The following L1TD1 variants were observed in gnomAD, a reference collection of about 807,000 sequenced individuals.
L1TD1 encodes the protein LINE1 type transposase domain containing 1, also known as LINE-1 type transposase domain-containing protein 1.
A neutral mutation model predicts 25.7 loss-of-function variants in L1TD1; 26 were observed. That is an observed-to-expected ratio of 1.01 (90% confidence interval 0.74 to 1.40). The LOEUF (loss-of-function observed/expected upper bound fraction) is 1.40. Among genes scored for constraint, L1TD1 ranks in the 40% most tolerant of loss-of-function variants. The probability of loss-of-function intolerance (pLI) is 0.00; values close to 1 mark genes in which losing one functional copy is unlikely to be tolerated. For missense variants in L1TD1, 1,130 were observed against 975.0 expected (o/e 1.16, Z -2.12); for synonymous variants, 421 against 335.6 (o/e 1.25, Z -2.78).
At position 62,209,904 on chromosome 1, in the gene L1TD1, A is replaced by G; in HGVS notation, c.1130A>G (p.Gln377Arg). 1 of 1,614,110 alleles carries G rather than the reference A, an allele frequency of 6.2e-7. No homozygotes were observed. The highest frequency in any genetic ancestry group is 2.2e-5 in the East Asian group (1 of 44,868). Reference protein sequence around the residue: ...KPEEMKNLETQEEEFSELEEL... With the variant: ...KPEEMKNLETREEEFSELEEL... ...GAGGAGATGAAAAACTTAGAGACTC[A>G]AGAGGAAGAGTTTTCCGAGCTAGAG... Residue 377 changes from glutamine (Q) to arginine (R), a missense_variant, in exon 4 of 4, where the codon CAA becomes CGA. Coordinates refer to ENST00000498273, the MANE Select transcript of L1TD1 (RefSeq NM_019079.5).
intron 2 of L1TD1, among the ~76,000 whole-genome samples, chr1:62,200,968 TGTTGCCCAGGCTG>T (rs1381721297): frequency 2.0e-5 from 3 of 152,150 alleles, no homozygotes; most frequent in Admixed American, 2.0e-4. Context: ...TTGCTCGCTC[TGTTGCCCAGGCTG>T]TAGTGCAGTG....
intron 2 of L1TD1, among the ~76,000 whole-genome samples, chr1:62,202,340 A>G (rs1670654948): frequency 6.6e-6 from 1 of 151,364 alleles, no homozygotes; most frequent in Admixed American, 6.6e-5. Flanking sequence ...TGTAATTAAT[A>G]TTGATTCCTT....
In L1TD1 at chr1:62,210,420, C is replaced by T; in HGVS notation, c.1646C>T (p.Pro549Leu). Residue 549 changes from proline (P) to leucine (L), a missense_variant, in exon 4 of 4, where the codon CCC becomes CTC. Coordinates refer to ENST00000498273, the MANE Select transcript of L1TD1 (RefSeq NM_019079.5). ...CCCACAAGTCAAGGAACTGGCACACCCTGTCTGACCTTATGTTTGGCCTCT... is the reference window on the plus strand; with the variant it reads ...CCCACAAGTCAAGGAACTGGCACACTCTGTCTGACCTTATGTTTGGCCTCT... Reference protein sequence around the residue: ...AVPTSQGTGTPCLTLCLASPS... With the variant: ...AVPTSQGTGTLCLTLCLASPS... 6.2e-7 allele frequency: 1 copy of T among 1,614,032 alleles called. No individual in the cohort carries two copies. The highest frequency in any genetic ancestry group is 8.5e-7 in the Non-Finnish European group (1 of 1,180,016).
At position 62,206,859 on chromosome 1, in the gene L1TD1, A is replaced by G. The variant is rs756453080; in HGVS notation, c.231A>G (p.Leu77=). ...EEMRETLKND[L]KAVLGGKATI... ...TGAGGGAAACTCTTAAAAATGACCT[A>G]AAAGCAGTTTTAGGGGGAAAAGCTA... The change falls in exon 3 of 4, where the codon CTA becomes CTG. Residue 77 remains leucine, a synonymous_variant. Transcript: ENST00000498273. 1.2e-6 allele frequency: 2 copies of G among 1,613,196 alleles called. No homozygotes were observed. The highest frequency in any genetic ancestry group is 1.7e-6 in the Non-Finnish European group (2 of 1,179,672).
In L1TD1 at chr1:62,210,728, C is replaced by G. The variant is rs1468083551; in HGVS notation, c.1954C>G (p.Leu652Val). The change falls in exon 4 of 4, where the codon CTG (leucine) becomes GTG (valine). Residue 652 changes from leucine to valine, a missense_variant. Leu to Val is a conservative substitution (Grantham distance 32). Transcript: ENST00000498273. ...VLEIENSVDD[L>V]SSRMDILEER... Reference sequence around the variant, plus strand: ...GGAAATTGAAAATTCAGTAGATGATCTGAGTAGCAGAATGGACATACTTGA... The same window carrying G: ...GGAAATTGAAAATTCAGTAGATGATGTGAGTAGCAGAATGGACATACTTGA... The G allele has an allele frequency of 1.7e-5, 27 of 1,551,532 alleles. No homozygotes were observed. The highest frequency in any genetic ancestry group is 2.3e-5 in the Non-Finnish European group (26 of 1,147,002).
At chr1:62,202,764 A>G (rs557985851) in intron 2 of L1TD1, among the ~76,000 whole-genome samples, 2 of 145,458 alleles carry the variant, frequency 1.4e-5, no homozygotes, top group African/African-American at 2.6e-5. Context: ...GCTCACTGCA[A>G]CCTCCGCCTC....
rs1222214184 is a variant in L1TD1 at position 62,210,773 on chromosome 1, G to C, written c.1999G>C (p.Glu667Gln). 1.3e-6 allele frequency: 2 copies of C among 1,550,496 alleles called. No individual in the cohort carries two copies. Among genetic ancestry groups the C allele is most frequent in the African/African-American group, 1.4e-5 (1 of 72,892 alleles). ...ACTTGAAGAAAGAATAGACAGTCTAGAAGATCAAATTGAAGAATTCTCTAA... is the reference window on the plus strand; with the variant it reads ...ACTTGAAGAAAGAATAGACAGTCTACAAGATCAAATTGAAGAATTCTCTAA... ...DILEERIDSL[E>Q]DQIEEFSKDT... The change falls in exon 4 of 4, where the codon GAA becomes CAA. Residue 667 changes from glutamate to glutamine, a missense_variant. By Grantham distance (29) the Glu-to-Gln change is conservative (BLOSUM62 2). Transcript: ENST00000498273.
intron 3 of L1TD1, 50 bp downstream of exon 3, chr1:62,207,686 G>C (rs914327541): frequency 2.8e-5 from 40 of 1,441,242 alleles, no homozygotes; most frequent in Non-Finnish European, 3.7e-5. Flanking sequence ...AAATGTAATA[G>C]TAGGCATGGT....
chr1:62,210,829 T>C lies in L1TD1; in HGVS notation c.2055T>C (p.Ile685=). 1 of 1,549,168 alleles carries C rather than the reference T, an allele frequency of 6.5e-7. No homozygotes were observed. Among genetic ancestry groups the C allele is most frequent in the Non-Finnish European group, 8.7e-7 (1 of 1,146,498 alleles). Residue 685 remains isoleucine (I), a synonymous_variant, in exon 4 of 4, where the codon ATT becomes ATC. Coordinates refer to ENST00000498273, the MANE Select transcript of L1TD1 (RefSeq NM_019079.5). ...CAATGCAAATGACCAAACAGATAAT[T>C]AGTAAAGAAAGGCAAAGAGATATAG... ...KDTMQMTKQI[I]SKERQRDIEE...
At position 62,210,696 on chromosome 1, in the gene L1TD1, G is replaced by T. The variant is rs1279817269; in HGVS notation, c.1922G>T (p.Gly641Val). Reference sequence around the variant, plus strand: ...GGAAATTTGAAAAGTTCCCATTCAGGTGTCTTGGAAATTGAAAATTCAGTA... The same window carrying T: ...GGAAATTTGAAAAGTTCCCATTCAGTTGTCTTGGAAATTGAAAATTCAGTA... ...EIGNLKSSHS[G>V]VLEIENSVDD... Residue 641 changes from glycine (G) to valine (V), a missense_variant, in exon 4 of 4, where the codon GGT becomes GTT. Transcript: ENST00000498273. 3.2e-6 allele frequency: 5 copies of T among 1,552,346 alleles called. No individual in the cohort carries two copies. Among genetic ancestry groups the T allele is most frequent in the Admixed American group, 2.0e-5 (1 of 51,034 alleles).
At chr1:62,204,216 GTT>G (rs1266335626) in intron 2 of L1TD1, among the ~76,000 whole-genome samples, 1 of 152,036 alleles carries the variant, frequency 6.6e-6, no homozygotes, top group Non-Finnish European at 1.5e-5. Flanking sequence ...ATAAGTTTCT[GTT>G]TTTCATTTCT....
In L1TD1 at chr1:62,201,625, T is replaced by G. The variant is rs563508218; in HGVS notation, c.-110-4894T>G. The stretch of plus-strand genomic sequence containing the variant: ...TTCTTTCTTAGTTGTTTGCTGTGTT[T>G]TAAAGTAAATCCCAGACATCATGCC... On this transcript the variant is annotated intron_variant, in intron 2 of 3. Transcript: ENST00000498273. Among the ~76,000 whole-genome samples, 516 of 152,302 alleles carry G rather than the reference T, an allele frequency of 3.4e-3. 6 individuals carry two copies. Among genetic ancestry groups the G allele is most frequent in the African/African-American group, 0.012 (502 of 41,564 alleles).
intron 2 of L1TD1, among the ~76,000 whole-genome samples, chr1:62,203,154 G>C (rs1670674288): frequency 6.6e-6 from 1 of 152,066 alleles, no homozygotes. Context: ...TTACATAGTA[G>C]ATGTATATAT....
At chr1:62,205,433 A>ATTTTTTTTTTTTTTT (rs1161372604) in intron 2 of L1TD1, among the ~76,000 whole-genome samples, 3 of 40,070 alleles carry the variant, frequency 7.5e-5, no homozygotes, top group Non-Finnish European at 6.0e-5. Context: ...ATATATATAT[A>ATTTTTTTTTTTTTTT]TATATATATA....
rs1020863294 is a variant in L1TD1 at position 62,204,147 on chromosome 1, T to C, written c.-110-2372T>C. ...TTTTTGAACCATGCTTTATCTGTAG[T>C]TGTGTCCCCTTGTTATTCATAGTAT... On this transcript the variant is annotated intron_variant, in intron 2 of 3. Transcript: ENST00000498273. Among the ~76,000 whole-genome samples the C allele has an allele frequency of 4.6e-5, 7 of 152,368 alleles. No homozygotes were observed. The South Asian group carries it at 1.4e-3, about 32-fold the overall frequency.
rs375348651 is a variant in L1TD1 at position 62,210,130 on chromosome 1, A to G, written c.1356A>G (p.Val452=). 1 of 1,613,982 alleles carries G rather than the reference A, an allele frequency of 6.2e-7. No individual in the cohort carries two copies. The highest frequency in any genetic ancestry group is 8.5e-7 in the Non-Finnish European group (1 of 1,180,028). The change falls in exon 4 of 4, where the codon GTA becomes GTG. Residue 452 remains valine, a synonymous_variant. Transcript: ENST00000498273. ...QDSTFQGHTL[V]DAKHEVEITS... is the part of the protein sequence containing the mutation. ...CAACCTTTCAGGGTCATACTTTGGT[A>G]GATGCAAAGCATGAAGTTGAGATAA...
intron 2 of L1TD1, among the ~76,000 whole-genome samples, chr1:62,204,513 A>C (rs544815929): frequency 6.6e-6 from 1 of 152,194 alleles, no homozygotes; most frequent in African/African-American, 2.4e-5. Flanking sequence ...AGTTTAATTT[A>C]TCTTTTACTT....
chr1:62,200,517 A>G (rs1240276424), intron 2 of L1TD1, among the ~76,000 whole-genome samples: 1 of 152,050 alleles, frequency 6.6e-6, no homozygotes, highest in Non-Finnish European at 1.5e-5. Flanking sequence ...GTATTTATGT[A>G]CTTATATATA....
In L1TD1 at chr1:62,203,272, A is replaced by G. The variant is rs11207924; in HGVS notation, c.-110-3247A>G. Among the ~76,000 whole-genome samples the G allele has an allele frequency of 0.11, 16,697 of 152,166 alleles. 1,049 individuals are homozygous for G. Among genetic ancestry groups the G allele is most frequent in the East Asian group, 0.21 (1,081 of 5,168 alleles). On this transcript the variant is annotated intron_variant, in intron 2 of 3. Transcript: ENST00000498273. ...ATTTCTTCTTGTTACAAACATTCCA[A>G]TTATACTGTTTAAGTATACAATAAG...
Sources: gnomAD v4.1 joint callset for allele counts (sites outside exome capture counted in the v4.1 genomes callset) on GRCh38, gnomAD v4.1.1 for gene constraint, MANE v1.5 for transcripts, NCBI Gene and HGNC (gene_info 2026-07-23, HGNC 2026-07-21) for gene names.